FAT1: variants seen among roughly 807,000 people sequenced by gnomAD.
FAT1 encodes FAT atypical cadherin 1, also known as protocadherin Fat 1.
Under a neutral mutation model 329.8 loss-of-function variants are expected in FAT1, and 171 were observed. The observed-to-expected ratio is 0.52, with a 90% CI of 0.46 to 0.59. FAT1 has a LOEUF of 0.59. FAT1 is among the 20% of genes least tolerant of loss of function. The probability of loss-of-function intolerance (pLI) is 0.00; values close to 1 mark genes in which losing one functional copy is unlikely to be tolerated. For synonymous variants in FAT1, 2,233 were observed against 2,228.6 expected, an observed-to-expected ratio of 1.00 and a Z score of -0.06; for missense variants, 5,672 against 5,774.4, an observed-to-expected ratio of 0.98 and a Z score of 0.57.
At chr4:186,610,075 G>A (rs150619305) in intron 14 of FAT1, 60 bp from the exon 15 acceptor site, 1 of 1,000,926 alleles carries the variant, frequency 1.0e-6, no homozygotes, top group South Asian at 1.4e-5. Context: ...TTCCCACTAT[G>A]ACTGAAATAG....
At chr4:186,682,842 G>A (rs535448588) in intron 2 of FAT1, among the ~76,000 whole-genome samples, 3 of 152,318 alleles carry the variant, frequency 2.0e-5, no homozygotes, top group Non-Finnish European at 2.9e-5. Context: ...GAACCAGGCA[G>A]AAAGCCTGGA....
At position 186,619,125 on chromosome 4, in the gene FAT1, C is replaced by A. The variant is rs777124589; in HGVS notation, c.7461G>T (p.Leu2487Phe). ...QVHVTVIGGN[L>F]HSPAFLQNEY... is the part of the protein sequence containing the mutation. Reference sequence around the variant, plus strand: ...CGTTCTGAAGGAAAGCAGGACTGTGCAAATTGCCTCCAATTACAGTTACAT... The same window carrying A: ...CGTTCTGAAGGAAAGCAGGACTGTGAAAATTGCCTCCAATTACAGTTACAT... The change falls in exon 10 of 27, where the codon TTG becomes TTT. Residue 2487 changes from leucine (L) to phenylalanine (F), a missense_variant. Leu to Phe is a conservative substitution (Grantham distance 22). Transcript: ENST00000441802. 8 of 1,613,870 alleles carry A rather than the reference C, an allele frequency of 5.0e-6. No individual in the cohort carries two copies. In the Admixed American group the frequency reaches 6.7e-5, roughly 13 times the overall value.
At chr4:186,629,870 C>T (rs909256915) in intron 7 of FAT1, among the ~76,000 whole-genome samples, 22 of 152,242 alleles carry the variant, frequency 1.4e-4, no homozygotes, top group Non-Finnish European at 4.4e-5. Context: ...AGATGCCTCA[C>T]TTTTACAGGT....
intron 26 of FAT1, among the ~76,000 whole-genome samples, chr4:186,594,387 A>G (rs1298917899): frequency 1.3e-5 from 2 of 152,012 alleles, no homozygotes; most frequent in Admixed American, 6.6e-5. Context: ...AAGAAGACTG[A>G]TGTTCCAACA....
At chr4:186,629,632 G>A (rs1369742891) in intron 7 of FAT1, among the ~76,000 whole-genome samples, 2 of 152,250 alleles carry the variant, frequency 1.3e-5, no homozygotes, top group African/African-American at 4.8e-5. Context: ...GCTGGTCCAA[G>A]CAGCACAGGG....
rs141154871 is a variant in FAT1, at chr4:186,709,153, C to G, written c.675G>C (p.Ala225=). The change falls in exon 2 of 27, where the codon GCG becomes GCC. Residue 225 remains alanine (A), a synonymous_variant. Transcript: ENST00000441802. ...TCCCATACAACTTCATGCCACGGTC[C>G]GCAGCGAGGATTTCCATCTCATAGA... The part of the protein sequence containing the change: ...TKLYEMEILA[A]DRGMKLYGSS... The G allele has an allele frequency of 6.2e-7, 1 of 1,613,934 alleles. No individual in the cohort carries two copies.
chr4:186,625,866 A>G (rs1255712052), intron 9 of FAT1, among the ~76,000 whole-genome samples: 2 of 152,240 alleles, frequency 1.3e-5, no homozygotes, highest in Non-Finnish European at 2.9e-5. Flanking sequence ...TGTGGACCCA[A>G]TGGCAACGCC....
Position 186,709,212 on chromosome 4 carries a change from A to G in FAT1, c.616T>C (p.Leu206=), listed in dbSNP as rs1744818336. 1 of 1,614,018 alleles carries G rather than the reference A, an allele frequency of 6.2e-7. No homozygotes were observed. Among genetic ancestry groups the G allele is most frequent in the Non-Finnish European group, 8.5e-7 (1 of 1,179,900 alleles). The change falls in exon 2 of 27, where the codon TTA becomes CTA. Residue 206 remains leucine, a synonymous_variant. Transcript: ENST00000441802. ...AIHPTSGVIV[L]TGRLDYLETK... ...TCTAGGTAATCAAGTCTACCAGTTA[A>G]CACTATCACACCACTGGTTGGGTGA...
chr4:186,635,566 T>C (rs1579362498), intron 6 of FAT1, among the ~76,000 whole-genome samples: 2 of 152,336 alleles, frequency 1.3e-5, no homozygotes, highest in South Asian at 4.1e-4. Context: ...TTTGTAAGCT[T>C]ATTCCCTATT....
chr4:186,598,041 T>C lies in FAT1; in HGVS notation c.12188A>G (p.Tyr4063Cys), dbSNP rs768136150. Residue 4063 changes from tyrosine to cysteine, a missense_variant, in exon 23 of 27, where the codon TAT (tyrosine) becomes TGT (cysteine). Physicochemically the swap from Tyr to Cys is radical, Grantham distance 194. Coordinates refer to ENST00000441802, the MANE Select transcript of FAT1 (RefSeq NM_005245.4). The part of the protein sequence containing the change: ...VNPCSSKPCL[Y>C]GGTCVVDNGG... ...GTTGTCGACAACACACGTGCCCCCA[T>C]AGAGGCATGGCTTGGAGGAACACGG... 1.9e-6 allele frequency: 3 copies of C among 1,613,896 alleles called. No individual in the cohort carries two copies. Among genetic ancestry groups the C allele is most frequent in the Non-Finnish European group, 2.5e-6 (3 of 1,179,866 alleles).
Position 186,663,383 on chromosome 4 carries a change from G to T in FAT1, c.3496C>A (p.Pro1166Thr), listed in dbSNP as rs1742272549. The T allele has an allele frequency of 6.2e-7, 1 of 1,613,970 alleles. No individual in the cohort carries two copies. The highest frequency in any genetic ancestry group is 1.1e-5 in the South Asian group (1 of 91,080). Residue 1166 changes from proline (P) to threonine (T), a missense_variant, in exon 3 of 27, where the codon CCA becomes ACA. Coordinates refer to ENST00000441802, the MANE Select transcript of FAT1 (RefSeq NM_005245.4). Reference protein sequence around the residue: ...VSVVQIEAFDPDSSSNDKLMY... With the variant: ...VSVVQIEAFDTDSSSNDKLMY... ...AGCTTGTCATTAGAGCTCGAATCTGGATCAAATGCCTCGATCTGGACCACA... is the reference window on the plus strand; with the variant it reads ...AGCTTGTCATTAGAGCTCGAATCTGTATCAAATGCCTCGATCTGGACCACA...
rs1739865462 is a variant in FAT1, at chr4:186,618,825, T to C, written c.7761A>G (p.Thr2587=). 1 of 1,613,938 alleles carries C rather than the reference T, an allele frequency of 6.2e-7. No homozygotes were observed. The highest frequency in any genetic ancestry group is 1.3e-5 in the African/African-American group (1 of 74,950). ...VAFCTVNVIL[T]DDNDNAPQFR... is the part of the protein sequence containing the mutation. ...ATTGTGGTGCATTGTCATTGTCATC[T>C]GTAAGGATGACATTCACGGTGCAGA... Residue 2587 remains threonine, a synonymous_variant, in exon 10 of 27, where the codon ACA becomes ACG. Transcript: ENST00000441802.
chr4:186,688,115 A>G lies in FAT1; in HGVS notation c.3265+18448T>C, dbSNP rs568403405. On this transcript the variant is annotated intron_variant, in intron 2 of 26. Transcript: ENST00000441802. ...CAAATGCTATGGAGACTCAAAGCTG[A>G]AAAAAAAAAAAAAAAAAAGCCAACA... Among the ~76,000 whole-genome samples, 73 of 110,966 alleles carry G rather than the reference A, an allele frequency of 6.6e-4. 1 individual carries two copies. The South Asian group carries it at 0.014, about 21-fold the overall frequency. The allele number at this position is 110,966 out of a possible 152,430, so 72.8% of individuals were successfully genotyped here.
intron 1 of FAT1, among the ~76,000 whole-genome samples, chr4:186,710,875 G>A (rs947701844): frequency 2.0e-5 from 3 of 152,208 alleles, no homozygotes; most frequent in African/African-American, 7.2e-5. Context: ...AGAAACTGAA[G>A]AAATGAAGAA....
At chr4:186,658,565 C>T (rs997259217) in intron 3 of FAT1, among the ~76,000 whole-genome samples, 5 of 152,196 alleles carry the variant, frequency 3.3e-5, no homozygotes, top group Non-Finnish European at 5.9e-5. Context: ...AAAAAGAGGT[C>T]ACTTTTATTA....
Position 186,706,702 on chromosome 4 carries a change from T to C in FAT1, c.3126A>G (p.Thr1042=), listed in dbSNP as rs1561006578. The change falls in exon 2 of 27, where the codon ACA becomes ACG. Residue 1042 remains threonine, a synonymous_variant. Transcript: ENST00000441802. ...AACCAACAGGTGCATCTTCTTTCAC[T>C]GTCCCCTTTTCCACAAAGCTGGAAA... The part of the protein sequence containing the change: ...PVFSSFVEKG[T]VKEDAPVGSL... 1.2e-6 allele frequency: 2 copies of C among 1,613,998 alleles called. No homozygotes were observed.
In FAT1 at chr4:186,596,676, G is replaced by A; in HGVS notation, c.12864C>T (p.Asn4288=). ...TTCGGTGCCCGTGCACAGACTCGGGGTTAAAAGTGCTGAATTCGGGATGCT... is the reference window on the plus strand; with the variant it reads ...TTCGGTGCCCGTGCACAGACTCGGGATTAAAAGTGCTGAATTCGGGATGCT... ...IPEHPEFSTF[N]PESVHGHRKA... Residue 4288 remains asparagine (N), a synonymous_variant, in exon 25 of 27, where the codon AAC becomes AAT. Coordinates refer to ENST00000441802, the MANE Select transcript of FAT1 (RefSeq NM_005245.4). This position sits in a 1 kb window ranked among gnomAD's most constrained non-coding sequence, Gnocchi z 4.7. The A allele has an allele frequency of 6.2e-7, 1 of 1,612,982 alleles. No homozygotes were observed. The highest frequency in any genetic ancestry group is 8.5e-7 in the Non-Finnish European group (1 of 1,179,246).
chr4:186,669,996 T>C (rs547746826), intron 2 of FAT1, among the ~76,000 whole-genome samples: 5 of 152,342 alleles, frequency 3.3e-5, no homozygotes, highest in African/African-American at 1.2e-4. Context: ...AACAGGACTC[T>C]TGCAACACAG....
In FAT1 at chr4:186,609,934, G is replaced by A. The variant is rs368431115; in HGVS notation, c.9935C>T (p.Thr3312Met). The part of the protein sequence containing the change: ...YLTVEATDGG[T>M]PSLSDVATVN... Reference sequence around the variant, plus strand: ...AGTGGCAACGTCGCTCAGTGAAGGCGTGCCTCCATCAGTGGCCTCTACTGT... The same window carrying A: ...AGTGGCAACGTCGCTCAGTGAAGGCATGCCTCCATCAGTGGCCTCTACTGT... Residue 3312 changes from threonine (T) to methionine (M), a missense_variant, in exon 15 of 27, where the codon ACG (threonine) becomes ATG (methionine). Physicochemically the swap from Thr to Met is moderately conservative, Grantham distance 81. This residue lies in a region of FAT1 where 1,706 missense variants were observed against 1,859.1 expected (regional missense o/e 0.92). Coordinates refer to ENST00000441802, the MANE Select transcript of FAT1 (RefSeq NM_005245.4). The A allele has an allele frequency of 1.7e-5, 27 of 1,612,822 alleles. No individual in the cohort carries two copies. Among genetic ancestry groups the A allele is most frequent in the African/African-American group, 1.2e-4 (9 of 74,896 alleles).
Sources: gnomAD v4.1 joint callset for allele counts (sites outside exome capture counted in the v4.1 genomes callset) on GRCh38, gnomAD v4.1.1 for gene constraint, gnomAD v4.1.1 regional missense constraint, Gnocchi (gnomAD v3.1) non-coding constraint, MANE v1.5 for transcripts, NCBI Gene and HGNC (gene_info 2026-07-23, HGNC 2026-07-21) for gene names.